Variants in KLHL1 observed in about 807,000 individuals in gnomAD.
The protein encoded by KLHL1 is kelch like family member 1, also known as kelch-like protein 1.
KLHL1 carries 47 observed loss-of-function variants against 77.7 expected under a neutral mutation model. The observed-to-expected ratio is 0.60, with a 90% CI of 0.48 to 0.77. The LOEUF is 0.77. KLHL1 is among the 30% of genes least tolerant of loss of function. KLHL1 has a pLI of 0.00. For synonymous variants in KLHL1, 360 were observed against 325.2 expected, an observed-to-expected ratio of 1.11 and a Z score of -1.15; for missense variants, 925 against 910.8, an observed-to-expected ratio of 1.02 and a Z score of -0.20.
chr13:70,058,165 C>A (rs1886794837), intron 1 of KLHL1, among the ~76,000 whole-genome samples: 1 of 152,136 alleles, frequency 6.6e-6, no homozygotes, highest in South Asian at 2.1e-4. Flanking sequence ...AGTCTTTCCT[C>A]TAAGATCTGG....
chr13:69,863,358 C>T (rs1880244012), intron 5 of KLHL1, among the ~76,000 whole-genome samples: 1 of 81,702 alleles, frequency 1.2e-5, no homozygotes. Flanking sequence ...GCTCTAAATA[C>T]AAAGGATGTC....
chr13:69,779,717 C>T (rs1250711867), intron 7 of KLHL1, among the ~76,000 whole-genome samples: 1 of 151,978 alleles, frequency 6.6e-6, no homozygotes, highest in African/African-American at 2.4e-5. Context: ...TCTGTGCAGT[C>T]AATATTTATG....
chr13:70,034,135 G>A (rs899295712), intron 1 of KLHL1, among the ~76,000 whole-genome samples: 1 of 152,026 alleles, frequency 6.6e-6, no homozygotes, highest in Admixed American at 6.6e-5. Flanking sequence ...AAAACTTTCC[G>A]GAACTTATGT....
At chr13:69,845,779 A>C (rs1332667746) in intron 5 of KLHL1, among the ~76,000 whole-genome samples, 1 of 151,488 alleles carries the variant, frequency 6.6e-6, no homozygotes, top group African/African-American at 2.4e-5. Flanking sequence ...GTGGAGCATC[A>C]AGGTAAAACA....
rs542640780 is a variant in KLHL1 at position 69,961,769 on chromosome 13, A to AGTTT, written c.681-326_681-325insAAAC. 6.9e-3 allele frequency among the ~76,000 whole-genome samples: 1,045 copies of AGTTT among 151,990 alleles called. 9 individuals carry two copies. Among genetic ancestry groups the AGTTT allele is most frequent in the African/African-American group, 0.023 (967 of 41,468 alleles). On this transcript the variant is annotated intron_variant, in intron 2 of 10. Transcript: ENST00000377844. ...TTCACCATGCTAACTTTCCCCCCTA[A>AGTTT]ACTATCGTGAATTTGAACGCATAAC...
intron 7 of KLHL1, among the ~76,000 whole-genome samples, chr13:69,780,685 C>CATAT (rs1211073965): frequency 0.041 from 1,142 of 27,864 alleles, 43 homozygotes; most frequent in Middle Eastern, 0.093. Flanking sequence ...TCTCTTTCTT[C>CATAT]ATATATATAT....
intron 7 of KLHL1, among the ~76,000 whole-genome samples, chr13:69,796,521 G>C (rs1193198164): frequency 1.3e-5 from 2 of 152,136 alleles, no homozygotes; most frequent in African/African-American, 2.4e-5. Context: ...TTTGCCTTCT[G>C]TCATGAGTGG....
chr13:69,811,093 A>AG (rs1318630085), intron 6 of KLHL1, among the ~76,000 whole-genome samples: 3 of 151,882 alleles, frequency 2.0e-5, no homozygotes, highest in Admixed American at 6.6e-5. Flanking sequence ...AAAATCAAGG[A>AG]GGGGGGCCTC....
intron 1 of KLHL1, among the ~76,000 whole-genome samples, chr13:70,071,447 A>C (rs1440762222): frequency 6.6e-6 from 1 of 152,102 alleles, no homozygotes; most frequent in Admixed American, 6.5e-5. Flanking sequence ...AAGATACAGC[A>C]GGCAGAAAAT....
In KLHL1 at chr13:69,763,113, A is replaced by T. The variant is rs111798646; in HGVS notation, c.1640-22557T>A. On this transcript the variant is annotated intron_variant, in intron 7 of 10. Transcript: ENST00000377844. ...AATTAGAATTGTGTCCCTCATAAAA[A>T]GTTCTATAGCAGATTCTACTGCAAA... 8.5e-5 allele frequency among the ~76,000 whole-genome samples: 13 copies of T among 152,296 alleles called. 1 individual carries two copies. The highest frequency in any genetic ancestry group is 3.1e-4 in the African/African-American group (13 of 41,582).
intron 1 of KLHL1, among the ~76,000 whole-genome samples, chr13:70,005,380 A>G (rs1300337082): frequency 1.3e-5 from 2 of 152,066 alleles, no homozygotes; most frequent in African/African-American, 2.4e-5. Flanking sequence ...TCCAACCTGC[A>G]GCCTGCAAGC....
rs1872934298 is a variant in KLHL1, at chr13:69,719,431, T to C, written c.1953A>G (p.Ala651=). ...AAGCAGGAGCATCATGACCTCCTAC[T>C]GCATAAAGAAAACCGTCACATGTGG... The part of the protein sequence containing the change: ...GVATCDGFLY[A]VGGHDAPASN... Residue 651 remains alanine (A), a synonymous_variant, in exon 9 of 11, where the codon GCA becomes GCG. Transcript: ENST00000377844. The C allele has an allele frequency of 6.2e-7, 1 of 1,613,506 alleles. No individual in the cohort carries two copies. Among genetic ancestry groups the C allele is most frequent in the South Asian group, 1.1e-5 (1 of 91,074 alleles).
chr13:69,795,719 T>C (rs1029900030), intron 7 of KLHL1, among the ~76,000 whole-genome samples: 1 of 152,146 alleles, frequency 6.6e-6, no homozygotes, highest in Non-Finnish European at 1.5e-5. Context: ...CCCCAAATCA[T>C]GCAAATAGAA....
In KLHL1 at chr13:69,929,212, A is replaced by G. The variant is rs533834449; in HGVS notation, c.1014+10828T>C. ...TTCACAGTTAATGATAAACACATCA[A>G]GTGAGCTACTCAAAGACACCCAGTT... On this transcript the variant is annotated intron_variant, in intron 4 of 10. Transcript: ENST00000377844. Among the ~76,000 whole-genome samples the G allele has an allele frequency of 9.9e-5, 15 of 152,186 alleles. No homozygotes were observed. The East Asian group carries it at 2.5e-3, about 25-fold the overall frequency.
chr13:70,101,854 A>C (rs2137455343), intron 1 of KLHL1, among the ~76,000 whole-genome samples: 1 of 152,222 alleles, frequency 6.6e-6, no homozygotes, highest in South Asian at 2.1e-4. Context: ...ATCCTAACAT[A>C]GACAAAGTAA....
chr13:69,901,266 G>T (rs1002271786), intron 4 of KLHL1, among the ~76,000 whole-genome samples: 1 of 152,156 alleles, frequency 6.6e-6, no homozygotes, highest in Non-Finnish European at 1.5e-5. Flanking sequence ...ACAAGAAAAT[G>T]TCCTACCATT....
At chr13:69,997,181 A>G (rs9572332) in intron 1 of KLHL1, among the ~76,000 whole-genome samples, 31,699 of 151,480 alleles carry the variant, frequency 0.21, 3,485 homozygotes, top group Middle Eastern at 0.25. Context: ...ATATCACGCC[A>G]CTGCACTCCA....
At chr13:69,812,884 A>G (rs1877946585) in intron 6 of KLHL1, among the ~76,000 whole-genome samples, 1 of 146,474 alleles carries the variant, frequency 6.8e-6, no homozygotes, top group African/African-American at 2.6e-5. Flanking sequence ...TGGGACTGTA[A>G]ACTAGTTCAA....
intron 2 of KLHL1, among the ~76,000 whole-genome samples, chr13:69,967,466 A>G (rs1029862520): frequency 2.0e-5 from 3 of 152,224 alleles, no homozygotes; most frequent in Non-Finnish European, 4.4e-5. Context: ...CCGCAATGTC[A>G]TGATCAAATT....
Sources: allele counts gnomAD v4.1 joint callset (sites outside exome capture counted in the v4.1 genomes callset), GRCh38; gene constraint gnomAD v4.1.1; transcripts MANE v1.5; gene names NCBI Gene and HGNC (gene_info 2026-07-23, HGNC 2026-07-21).